Variants in XPR1 observed in about 807,000 individuals in gnomAD.
The protein encoded by XPR1 is xenotropic and polytropic retrovirus receptor 1.
In XPR1, 28 loss-of-function variants were observed where a neutral mutation model predicts 87.5. The ratio of observed to expected loss-of-function variants is 0.32; its 90% confidence interval spans 0.24 to 0.44. The LOEUF (loss-of-function observed/expected upper bound fraction) is 0.44. Among genes scored for constraint, XPR1 ranks in the 20% least tolerant of loss-of-function variants. The pLI is 1.00. For missense variants in XPR1, 559 were observed against 862.3 expected, an observed-to-expected ratio of 0.65 and a Z score of 4.41; for synonymous variants, 300 against 306.1, an observed-to-expected ratio of 0.98 and a Z score of 0.21.
At chr1:180,744,771 C>G (rs1271876704) in intron 2 of XPR1, among the ~76,000 whole-genome samples, 1 of 151,344 alleles carries the variant, frequency 6.6e-6, no homozygotes, top group Non-Finnish European at 1.5e-5. Flanking sequence ...CAGCCTTAGC[C>G]TCTTGAGTAG....
At position 180,873,878 on chromosome 1, in the gene XPR1, A is replaced by G. The variant is rs1652580774; in HGVS notation, c.1744A>G (p.Thr582Ala). The G allele has an allele frequency of 6.2e-7, 1 of 1,614,072 alleles. No homozygotes were observed. Among genetic ancestry groups the G allele is most frequent in the Non-Finnish European group, 8.5e-7 (1 of 1,180,032 alleles). The change falls in exon 13 of 15, where the codon ACA becomes GCA. Residue 582 changes from threonine to alanine, a missense_variant. Thr to Ala is a moderately conservative substitution (Grantham distance 58). Coordinates refer to ENST00000367590, the MANE Select transcript of XPR1 (RefSeq NM_004736.4). ...GACTATCCAAATCTCGATTACCTCT[A>G]CAACTTTGTTGCCTCATTCTGGGGA... ...AWTIQISITS[T>A]TLLPHSGDII...
At chr1:180,784,764 G>A (rs1338331469) in intron 2 of XPR1, among the ~76,000 whole-genome samples, 1 of 151,836 alleles carries the variant, frequency 6.6e-6, no homozygotes, top group Non-Finnish European at 1.5e-5. Context: ...GAGATTTGAA[G>A]CCTCCTTTAT....
intron 13 of XPR1, among the ~76,000 whole-genome samples, chr1:180,876,781 A>G (rs1286425644): frequency 1.3e-5 from 2 of 152,246 alleles, no homozygotes; most frequent in African/African-American, 2.4e-5. Context: ...ACAATCAAGA[A>G]CATATTTAAC....
At chr1:180,815,299 TG>T (rs1489720127) in intron 7 of XPR1, among the ~76,000 whole-genome samples, 2 of 152,214 alleles carry the variant, frequency 1.3e-5, no homozygotes, top group Admixed American at 6.5e-5. Context: ...CATTCTGATT[TG>T]TTTTTTATGT....
chr1:180,826,307 C>T (rs1223271291), intron 9 of XPR1, among the ~76,000 whole-genome samples: 1 of 151,732 alleles, frequency 6.6e-6, no homozygotes, highest in African/African-American at 2.4e-5. Flanking sequence ...TCCCAGTATT[C>T]GGGAGGCTGA....
intron 2 of XPR1, among the ~76,000 whole-genome samples, chr1:180,752,856 A>G (rs1476139651): frequency 6.6e-6 from 1 of 152,214 alleles, no homozygotes; most frequent in Admixed American, 6.5e-5. Context: ...AATAAAGGTC[A>G]GGTTATTGAT....
chr1:180,704,278 T>TATATATATA (rs1192955477), intron 2 of XPR1, among the ~76,000 whole-genome samples: 1,397 of 31,850 alleles, frequency 0.044, 39 homozygotes, highest in African/African-American at 0.068. Flanking sequence ...ATATATATAT[T>TATATATATA]ATCAGATTAT....
intron 10 of XPR1, 77 bp from the exon 11 acceptor site, chr1:180,836,445 G>C (rs1280123162): frequency 6.5e-7 from 1 of 1,537,814 alleles, no homozygotes; most frequent in African/African-American, 1.4e-5. Context: ...CTTGGTATTA[G>C]CTACACTATA....
intron 11 of XPR1, among the ~76,000 whole-genome samples, chr1:180,840,696 T>A (rs1651478418): frequency 1.3e-5 from 2 of 151,068 alleles, no homozygotes; most frequent in Admixed American, 6.6e-5. Context: ...ATTGCTAAAA[T>A]AAAAAAAACC....
At chr1:180,637,699 G>A (rs1654830641) in intron 1 of XPR1, among the ~76,000 whole-genome samples, 1 of 151,998 alleles carries the variant, frequency 6.6e-6, no homozygotes, top group Non-Finnish European at 1.5e-5. Context: ...CATTACAGGC[G>A]CGCGCAACTA....
intron 1 of XPR1, 121 bp downstream of exon 1, chr1:180,632,391 C>A: frequency 1.5e-6 from 2 of 1,310,930 alleles, no homozygotes; most frequent in South Asian, 1.3e-5. Flanking sequence ...TGACCCGCTG[C>A]CGCGGGGAGC....
chr1:180,780,884 T>A (rs562464597), intron 2 of XPR1, among the ~76,000 whole-genome samples: 1 of 152,160 alleles, frequency 6.6e-6, no homozygotes, highest in East Asian at 1.9e-4. Flanking sequence ...GTGTTTGTCT[T>A]TTTACTTTTT....
At chr1:180,660,763 A>C (rs1655742616) in intron 1 of XPR1, among the ~76,000 whole-genome samples, 1 of 142,884 alleles carries the variant, frequency 7.0e-6, no homozygotes, top group Non-Finnish European at 1.6e-5. Context: ...TTTGTGGCCT[A>C]ACATATGGTC....
intron 7 of XPR1, among the ~76,000 whole-genome samples, chr1:180,821,548 A>G (rs1193241384): frequency 6.6e-6 from 1 of 152,142 alleles, no homozygotes; most frequent in Non-Finnish European, 1.5e-5. Context: ...GGAATTCCAT[A>G]TGAATTTAAG....
chr1:180,879,953 A>G (rs2102226453), intron 13 of XPR1, 123 bp from the exon 14 acceptor site: 3 of 1,021,578 alleles, frequency 2.9e-6, no homozygotes, highest in Non-Finnish European at 1.5e-6. Flanking sequence ...CTATTTTAAT[A>G]TTCAAGCCCT....
At chr1:180,795,667 C>A (rs536048103) in intron 3 of XPR1, among the ~76,000 whole-genome samples, 1 of 152,234 alleles carries the variant, frequency 6.6e-6, no homozygotes, top group South Asian at 2.1e-4. Context: ...ATTACTGAGA[C>A]ACAAAGTATG....
chr1:180,715,286 G>A (rs971542161), intron 2 of XPR1, among the ~76,000 whole-genome samples: 1 of 152,148 alleles, frequency 6.6e-6, no homozygotes, highest in South Asian at 2.1e-4. Context: ...ATTTATTTAT[G>A]AGCGTCACTC....
At chr1:180,769,455 TTCTCTCTCTCTCTC>T (rs113535211) in intron 2 of XPR1, among the ~76,000 whole-genome samples, 1 of 118,686 alleles carries the variant, frequency 8.4e-6, no homozygotes, top group East Asian at 2.6e-4. Flanking sequence ...TAACCATCCT[TTCTCTCTCTCTCTC>T]TCTCTCTCTC....
In XPR1 at chr1:180,770,953, T is replaced by C. The variant is rs557150750; in HGVS notation, c.122-16800T>C. On this transcript the variant is annotated intron_variant, in intron 2 of 14. Coordinates refer to ENST00000367590, the MANE Select transcript of XPR1 (RefSeq NM_004736.4). ...CTCAACTGAAGTGTTTCAGAGACTTTCTGGATCTTTTTATAATGGGTTAGT... is the reference window on the plus strand; with the variant it reads ...CTCAACTGAAGTGTTTCAGAGACTTCCTGGATCTTTTTATAATGGGTTAGT... Among the ~76,000 whole-genome samples, 7 of 152,298 alleles carry C rather than the reference T, an allele frequency of 4.6e-5. No homozygotes were observed. The East Asian group carries it at 1.2e-3, about 25-fold the overall frequency.
Sources: allele counts gnomAD v4.1 joint callset (sites outside exome capture counted in the v4.1 genomes callset), GRCh38; gene constraint gnomAD v4.1.1; transcripts MANE v1.5; gene names NCBI Gene and HGNC (gene_info 2026-07-23, HGNC 2026-07-21).